ANK2: variants seen among roughly 807,000 people sequenced by gnomAD.
The protein encoded by ANK2 is ankyrin 2.
In ANK2, 83 loss-of-function variants were observed where a neutral mutation model predicts 360.5. The ratio of observed to expected loss-of-function variants is 0.23; its 90% CI spans 0.19 to 0.28. The LOEUF is 0.28. Among genes scored for constraint, ANK2 ranks in the 10% least tolerant of loss-of-function variants. The probability of loss-of-function intolerance (pLI) is 1.00; values close to 1 mark genes in which losing one functional copy is unlikely to be tolerated. For missense variants in ANK2, 4,201 were observed against 4,795.7 expected, an observed-to-expected ratio of 0.88 and a Z score of 3.66; for synonymous variants, 1,740 against 1,759.5, an observed-to-expected ratio of 0.99 and a Z score of 0.28.
At chr4:112,732,548 A>T in the ANK2 span, among the ~76,000 whole-genome samples, 1 of 152,116 alleles carries the variant, frequency 6.6e-6, no homozygotes, top group East Asian at 1.9e-4. Flanking sequence ...CAGAGTAGGG[A>T]TTTTTAATTG....
chr4:112,938,857 A>G (rs1229585422), intron 2 of ANK2, among the ~76,000 whole-genome samples: 3 of 152,214 alleles, frequency 2.0e-5, no homozygotes, highest in Non-Finnish European at 4.4e-5. Context: ...TGTAAACTCC[A>G]TGAAGGTAAA....
intron 2 of ANK2, among the ~76,000 whole-genome samples, chr4:112,915,714 C>T (rs2089519848): frequency 6.7e-6 from 1 of 150,174 alleles, no homozygotes; most frequent in Non-Finnish European, 1.5e-5. Context: ...GAGATTGCAC[C>T]ACTGCACTCC....
intron 1 of ANK2, among the ~76,000 whole-genome samples, chr4:112,828,426 G>C (rs1306481316): frequency 6.6e-6 from 1 of 152,104 alleles, no homozygotes; most frequent in African/African-American, 2.4e-5. Context: ...TAAAGAGGGG[G>C]GTTTCACCAT....
intron 1 of ANK2, among the ~76,000 whole-genome samples, chr4:113,069,549 C>T (rs2076817638): frequency 6.6e-6 from 1 of 152,190 alleles, no homozygotes; most frequent in Non-Finnish European, 1.5e-5. Flanking sequence ...TACCTTTTGC[C>T]TTTGGCACTG....
At chr4:112,991,236 CAA>C (rs10687542) in intron 2 of ANK2, among the ~76,000 whole-genome samples, 2 of 122,272 alleles carry the variant, frequency 1.6e-5, no homozygotes, top group African/African-American at 3.1e-5. Context: ...GACAGAGCCT[CAA>C]AAAAAAAAAA....
rs1185161404 is a variant in ANK2, at chr4:113,331,976, C to T, written c.3130C>T (p.Leu1044Phe). The T allele has an allele frequency of 1.2e-6, 2 of 1,613,776 alleles. No individual in the cohort carries two copies. Among genetic ancestry groups the T allele is most frequent in the Non-Finnish European group, 1.7e-6 (2 of 1,179,842 alleles). The change falls in exon 28 of 46, where the codon CTT becomes TTT. Residue 1044 changes from leucine to phenylalanine, a missense_variant. Physicochemically the swap from Leu to Phe is conservative, Grantham distance 22. Transcript: ENST00000357077. ...TGCTGCTTTGGATGTACTCAGTAAA[C>T]TTCACCTGCCAACGGCTCCTCCCCC... Reference protein sequence around the residue: ...GPSGAQFLGKLHLPTAPPPLN... With the variant: ...GPSGAQFLGKFHLPTAPPPLN...
chr4:113,267,224 T>G (rs2056529058), intron 14 of ANK2, among the ~76,000 whole-genome samples: 1 of 152,188 alleles, frequency 6.6e-6, no homozygotes, highest in African/African-American at 2.4e-5. Context: ...GATGATAGTT[T>G]CTTTTGCTGT....
chr4:113,025,192 T>C (rs1296816262), intron 2 of ANK2, among the ~76,000 whole-genome samples: 2 of 152,288 alleles, frequency 1.3e-5, no homozygotes, highest in East Asian at 3.9e-4. Context: ...AACAGCAGTG[T>C]TCTATCTATA....
chr4:112,743,096 A>G, the ANK2 span, among the ~76,000 whole-genome samples: 1 of 152,220 alleles, frequency 6.6e-6, no homozygotes, highest in Admixed American at 6.5e-5. Context: ...TATTAGCTCA[A>G]TACAGTGTGT....
At chr4:113,190,312 G>T (rs72896099) in intron 2 of ANK2, among the ~76,000 whole-genome samples, 4,083 of 152,090 alleles carry the variant, frequency 0.027, 187 homozygotes, top group African/African-American at 0.094. Flanking sequence ...GGCTCTCTAT[G>T]TTGCCAAGGC....
intron 1 of ANK2, chr4:112,880,410 T>C (rs2076382476): frequency 6.6e-6 from 1 of 152,198 alleles, no homozygotes; most frequent in African/African-American, 2.4e-5. Context: ...ACAAAGTCAA[T>C]GAGTATTGGA....
chr4:112,949,387 A>G lies in ANK2; in HGVS notation c.21+44873A>G, dbSNP rs143630691. Among the ~76,000 whole-genome samples the G allele has an allele frequency of 2.7e-3, 405 of 152,268 alleles. 1 individual carries two copies. Among genetic ancestry groups the G allele is most frequent in the Non-Finnish European group, 4.6e-3 (314 of 68,016 alleles). Reference sequence around the variant, plus strand: ...TTCTAATATGGGATAGGTGTTTAGAATATGTTCAGTAGCTGGGTTTTGTAA... The same window carrying G: ...TTCTAATATGGGATAGGTGTTTAGAGTATGTTCAGTAGCTGGGTTTTGTAA... On this transcript the variant is annotated intron_variant, in intron 2 of 30. Transcript: ENST00000503271.
At chr4:113,225,021 C>T (rs1422098645) in intron 4 of ANK2, among the ~76,000 whole-genome samples, 1 of 152,000 alleles carries the variant, frequency 6.6e-6, no homozygotes, top group African/African-American at 2.4e-5. Context: ...CAAAATTCCC[C>T]AAGTGAAATA....
intron 2 of ANK2, among the ~76,000 whole-genome samples, chr4:112,940,339 C>G (rs1185344221): frequency 2.6e-5 from 4 of 152,142 alleles, no homozygotes; most frequent in Non-Finnish European, 4.4e-5. Context: ...TCTTATAAGC[C>G]TAAAACTGTG....
intron 21 of ANK2, chr4:113,292,905 A>G (rs1230686002): frequency 2.8e-6 from 1 of 362,014 alleles, no homozygotes; most frequent in Non-Finnish European, 5.4e-6. Flanking sequence ...TGAAATGTAA[A>G]CTAAGCGGTG....
At chr4:113,240,047 C>CT (rs2038905689) in intron 7 of ANK2, among the ~76,000 whole-genome samples, 1 of 151,998 alleles carries the variant, frequency 6.6e-6, no homozygotes, top group African/African-American at 2.4e-5. Context: ...ACAAATACTG[C>CT]TTTTTTAAAA....
At chr4:113,082,802 G>A (rs1393368965) in intron 1 of ANK2, among the ~76,000 whole-genome samples, 1 of 152,004 alleles carries the variant, frequency 6.6e-6, no homozygotes, top group Non-Finnish European at 1.5e-5. Flanking sequence ...AAATGTGTTT[G>A]TATTTTCTTC....
chr4:113,048,273 T>TATAC, upstream of ANK2, among the ~76,000 whole-genome samples: 1 of 49,958 alleles, frequency 2.0e-5, no homozygotes, highest in Non-Finnish European at 3.4e-5. Flanking sequence ...TATATATATA[T>TATAC]ATATTTTTTT....
chr4:113,181,972 A>T (rs1249954233), intron 2 of ANK2, among the ~76,000 whole-genome samples: 1 of 140,026 alleles, frequency 7.1e-6, no homozygotes, highest in East Asian at 2.1e-4. Flanking sequence ...GACGAGTCTT[A>T]ATAGTAAGGC....
Sources: allele counts gnomAD v4.1 joint callset (sites outside exome capture counted in the v4.1 genomes callset), GRCh38; gene constraint gnomAD v4.1.1; transcripts MANE v1.5; gene names NCBI Gene and HGNC (gene_info 2026-07-23, HGNC 2026-07-21).